The following RPS6KA2 variants were observed in gnomAD, a reference collection of about 807,000 sequenced individuals.
RPS6KA2 encodes ribosomal protein S6 kinase A2.
A neutral mutation model predicts 91.8 loss-of-function variants in RPS6KA2; 42 were observed. The observed-to-expected ratio is 0.46, with a 90% CI of 0.36 to 0.59. The LOEUF (loss-of-function observed/expected upper bound fraction) is 0.59, where lower values mean the gene tolerates loss of function less well. RPS6KA2 is among the 20% of genes least tolerant of loss of function. The pLI, the probability that RPS6KA2 is intolerant of heterozygous loss-of-function variation, is 0.00. For missense variants in RPS6KA2, 798 were observed against 978.5 expected, an observed-to-expected ratio of 0.82 and a Z score of 2.46; for synonymous variants, 414 against 393.6, an observed-to-expected ratio of 1.05 and a Z score of -0.61.
chr6:166,452,193 A>G (rs1032173170), intron 12 of RPS6KA2, among the ~76,000 whole-genome samples: 2 of 152,168 alleles, frequency 1.3e-5, no homozygotes, highest in African/African-American at 4.8e-5. Flanking sequence ...GAGGGAGCAT[A>G]ACTGGCATAA....
chr6:166,652,787 A>G (rs2128554703), intron 2 of RPS6KA2, among the ~76,000 whole-genome samples: 1 of 152,350 alleles, frequency 6.6e-6, no homozygotes, highest in Middle Eastern at 3.4e-3. Flanking sequence ...TTCAAGCTCC[A>G]TCTTAATCAG....
At chr6:166,504,364 C>G (rs370216877) in intron 6 of RPS6KA2, 142 bp downstream of exon 6, 2 of 558,032 alleles carry the variant, frequency 3.6e-6, no homozygotes, top group Non-Finnish European at 3.1e-6. Flanking sequence ...CCGGTCCTGC[C>G]GGCACAAGAG....
chr6:166,841,135 A>C (rs985724893), intron 2 of RPS6KA2, among the ~76,000 whole-genome samples: 1 of 151,696 alleles, frequency 6.6e-6, no homozygotes, highest in Non-Finnish European at 1.5e-5. Flanking sequence ...AAAAAAAAAA[A>C]AATTAGCCAG....
intron 4 of RPS6KA2, chr6:166,509,386 G>A (rs1186367646): frequency 5.9e-6 from 1 of 170,366 alleles, no homozygotes. Flanking sequence ...AGGGGGCAGA[G>A]TTTTGGAAAG....
chr6:166,728,169 G>A (rs4515359), intron 2 of RPS6KA2, among the ~76,000 whole-genome samples: 11,214 of 152,236 alleles, frequency 0.074, 674 homozygotes, highest in African/African-American at 0.16. Context: ...AAATTTTGGT[G>A]TCGACAGAGG....
At chr6:166,509,570 A>ATT (rs1259891138) in intron 4 of RPS6KA2, 1 of 154,236 alleles carries the variant, frequency 6.5e-6, no homozygotes, top group African/African-American at 2.4e-5. Flanking sequence ...TTTGCAACCA[A>ATT]GAACAAACTA....
Position 166,508,234 on chromosome 6 carries a change from C to A in RPS6KA2, c.428G>T (p.Gly143Val), listed in dbSNP as rs915792923. 2.5e-6 allele frequency: 4 copies of A among 1,613,708 alleles called. No individual in the cohort carries two copies. The highest frequency in any genetic ancestry group is 1.3e-5 in the African/African-American group (1 of 75,040). The change falls in exon 5 of 21, where the codon GGA becomes GTA. Residue 143 changes from glycine (G) to valine (V), a missense_variant. By Grantham distance (109) the Gly-to-Val change is moderately radical. Coordinates refer to ENST00000265678, the MANE Select transcript of RPS6KA2 (RefSeq NM_021135.6). This position sits in a 1 kb window ranked among gnomAD's most constrained non-coding sequence, Gnocchi z 4.3. The part of the protein sequence containing the change: ...KLYLILDFLR[G>V]GDLFTRLSKE... The stretch of plus-strand genomic sequence containing the variant: ...GGAGAGCCGGGTGAAGAGGTCCCCT[C>A]CCCGCAGGAAGTCCAGGATCAGGTA...
chr6:166,766,022 T>A (rs1224808592), intron 2 of RPS6KA2, among the ~76,000 whole-genome samples: 1 of 152,246 alleles, frequency 6.6e-6, no homozygotes, highest in Non-Finnish European at 1.5e-5. Context: ...TGAGAAATTC[T>A]CAGGGTGAAT....
Position 166,430,515 on chromosome 6 carries a change from G to A in RPS6KA2, c.1519C>T (p.Arg507Cys). 5.0e-6 allele frequency: 8 copies of A among 1,614,110 alleles called. No individual in the cohort carries two copies. Among genetic ancestry groups the A allele is most frequent in the Middle Eastern group, 1.6e-4 (1 of 6,062 alleles). The change falls in exon 16 of 21, where the codon CGC becomes TGC. Residue 507 changes from arginine to cysteine, a missense_variant. Arg to Cys is a radical substitution (Grantham distance 180). Coordinates refer to ENST00000265678, the MANE Select transcript of RPS6KA2 (RefSeq NM_021135.6). Reference sequence around the variant, plus strand: ...GTGCACAGGACGTCACTGGCTTCGCGCTCCGAGAAGTATCTCTGCCGGAGG... The same window carrying A: ...GTGCACAGGACGTCACTGGCTTCGCACTCCGAGAAGTATCTCTGCCGGAGG... Reference protein sequence around the residue: ...RILRQRYFSEREASDVLCTIT... With the variant: ...RILRQRYFSECEASDVLCTIT...
At position 166,495,990 on chromosome 6, in the gene RPS6KA2, T is replaced by A. The variant is rs1322947569; in HGVS notation, c.747+2518A>T. Among the ~76,000 whole-genome samples, 2 of 152,220 alleles carry A rather than the reference T, an allele frequency of 1.3e-5. No individual in the cohort carries two copies. The highest frequency in any genetic ancestry group is 2.4e-5 in the African/African-American group (1 of 41,454). On this transcript the variant is annotated intron_variant, in intron 8 of 20. Coordinates refer to ENST00000265678, the MANE Select transcript of RPS6KA2 (RefSeq NM_021135.6). The surrounding 1 kb of genome is among the most constrained non-coding windows in gnomAD (Gnocchi z 4.4). ...CTCCATCTTTGGATCATTCCTCTTC[T>A]GTCTCTTCTGTTCTCCTATTTCTTT...
chr6:166,610,704 T>C (rs1011180034), intron 1 of RPS6KA2, among the ~76,000 whole-genome samples: 5 of 152,186 alleles, frequency 3.3e-5, no homozygotes, highest in Non-Finnish European at 7.4e-5. Context: ...TATTTGACCA[T>C]AAAATCATAT....
rs374743470 is a variant in RPS6KA2, at chr6:166,692,276, A to G, written c.124-153492T>C. On this transcript the variant is annotated intron_variant, in intron 2 of 21. Coordinates refer to the RPS6KA2 transcript ENST00000503859. ...GAAAGAAGTAGTCAGAAAAAAATAAAAGAAGCAAACAGCGCTTATCCTCCT... is the reference window on the plus strand; with the variant it reads ...GAAAGAAGTAGTCAGAAAAAAATAAGAGAAGCAAACAGCGCTTATCCTCCT... Among the ~76,000 whole-genome samples, 134 of 152,326 alleles carry G rather than the reference A, an allele frequency of 8.8e-4. 1 individual carries two copies. Among genetic ancestry groups the G allele is most frequent in the African/African-American group, 3.0e-3 (126 of 41,568 alleles).
chr6:166,669,557 C>T (rs1788415267), intron 2 of RPS6KA2, among the ~76,000 whole-genome samples: 1 of 152,164 alleles, frequency 6.6e-6, no homozygotes, highest in South Asian at 2.1e-4. Flanking sequence ...GCTGGAATTG[C>T]ACGGGGCCCA....
chr6:166,672,662 T>G (rs66472369), intron 2 of RPS6KA2, among the ~76,000 whole-genome samples: 36,760 of 152,230 alleles, frequency 0.24, 4,829 homozygotes, highest in African/African-American at 0.34. Context: ...GTTTATTTTC[T>G]GAGAGAAAGG....
chr6:166,553,707 G>A (rs889263900), intron 1 of RPS6KA2, among the ~76,000 whole-genome samples: 5 of 151,938 alleles, frequency 3.3e-5, no homozygotes, highest in African/African-American at 9.7e-5. Context: ...CATTGTTAGA[G>A]GATACCATTG....
Position 166,652,890 on chromosome 6 carries a change from G to A in RPS6KA2, c.124-114106C>T, listed in dbSNP as rs151013120. 2.7e-3 allele frequency among the ~76,000 whole-genome samples: 408 copies of A among 152,278 alleles called. 3 individuals are homozygous for A. Among genetic ancestry groups the A allele is most frequent in the South Asian group, 0.012 (58 of 4,822 alleles). On this transcript the variant is annotated intron_variant, in intron 2 of 21. Coordinates refer to the RPS6KA2 transcript ENST00000503859. ...TATTCCATCAGGGTGCAACTCAGCC[G>A]CCTGTCTCCCTGCCTCGTGCCTTGG...
intron 2 of RPS6KA2, among the ~76,000 whole-genome samples, chr6:166,741,323 A>G (rs529568209): frequency 4.6e-4 from 70 of 152,336 alleles, no homozygotes; most frequent in African/African-American, 1.6e-3. Flanking sequence ...AGAGCTCTAC[A>G]AAGGGAACGT....
At chr6:166,764,783 C>T (rs1222599385) in intron 2 of RPS6KA2, among the ~76,000 whole-genome samples, 1 of 152,232 alleles carries the variant, frequency 6.6e-6, no homozygotes, top group East Asian at 1.9e-4. Context: ...GCGGTGACAC[C>T]TACAGCCACG....
intron 12 of RPS6KA2, among the ~76,000 whole-genome samples, chr6:166,457,358 T>C (rs1332253050): frequency 2.0e-5 from 3 of 152,198 alleles, no homozygotes; most frequent in African/African-American, 7.2e-5. Flanking sequence ...AAAGTAATCC[T>C]GTTCTGTGAA....
Sources: allele counts gnomAD v4.1 joint callset (sites outside exome capture counted in the v4.1 genomes callset), GRCh38; gene constraint gnomAD v4.1.1; non-coding constraint Gnocchi (gnomAD v3.1); transcripts MANE v1.5; gene names NCBI Gene and HGNC (gene_info 2026-07-23, HGNC 2026-07-21).